Variants in SUN3 observed in about 807,000 individuals in gnomAD.
SUN3 encodes Sad1 and UNC84 domain containing 3.
Under a neutral mutation model 48.2 loss-of-function variants are expected in SUN3, and 36 were observed. The observed-to-expected ratio is 0.75, with a 90% CI of 0.57 to 0.99. The LOEUF (loss-of-function observed/expected upper bound fraction) is 0.99, where lower values mean the gene tolerates loss of function less well. SUN3 is among the 50% of genes least tolerant of loss of function. The pLI, the probability that SUN3 is intolerant of heterozygous loss-of-function variation, is 0.00. For synonymous variants in SUN3, 148 were observed against 147.9 expected (o/e 1.00, Z 0.00); for missense variants, 419 against 433.1 (o/e 0.97, Z 0.29).
Position 47,988,877 on chromosome 7 carries a change from T to C in SUN3, c.865A>G (p.Ile289Val), listed in dbSNP as rs1249034419. ...TCTTCTCCTTCACATTTTTTTGTGA[T>C]GCCCTATAAAGAAAGCAACAGATAT... ...SAPKEFSVYG[I>V]TKKCEGEEIF... The change falls in exon 9 of 10, where the codon ATC becomes GTC. Residue 289 changes from isoleucine to valine, a missense_variant. Ile to Val is a conservative substitution (Grantham distance 29). Coordinates refer to ENST00000297325, the MANE Select transcript of SUN3 (RefSeq NM_001030019.2). 1.9e-6 allele frequency: 3 copies of C among 1,588,328 alleles called. No individual in the cohort carries two copies. Among genetic ancestry groups the C allele is most frequent in the Non-Finnish European group, 2.6e-6 (3 of 1,160,156 alleles).
chr7:48,035,676 C>G, the SUN3 span: 1 of 630,892 alleles, frequency 1.6e-6, no homozygotes, highest in South Asian at 1.7e-5. The surrounding 1 kb of genome is among the most constrained non-coding windows in gnomAD (Gnocchi z 4.0). Context: ...CCACTGTGGT[C>G]CCGGGCCTTG....
At chr7:48,026,133 ACACT>A (rs1241899634) in intron 1 of SUN3, among the ~76,000 whole-genome samples, 195 bp from the exon 2 acceptor site, 1 of 152,070 alleles carries the variant, frequency 6.6e-6, no homozygotes, top group African/African-American at 2.4e-5. Flanking sequence ...GTGATGATAC[ACACT>A]CACCAGCATA....
Position 48,017,300 on chromosome 7 carries a change from T to C in SUN3, c.250A>G (p.Ile84Val), listed in dbSNP as rs766099727. 2 of 1,608,038 alleles carry C rather than the reference T, an allele frequency of 1.2e-6. No homozygotes were observed. Among genetic ancestry groups the C allele is most frequent in the Admixed American group, 1.7e-5 (1 of 59,734 alleles). ...VPQKSRQLYAIIAEYGSRLYK... is the reference protein window; with the variant it reads ...VPQKSRQLYAVIAEYGSRLYK... The stretch of plus-strand genomic sequence containing the variant: ...AGCCTTGAACCATATTCTGCAATTA[T>C]GGCATATAATTGTCTGGATTTCTGA... Residue 84 changes from isoleucine to valine, a missense_variant, in exon 3 of 10, where the codon ATA becomes GTA. Coordinates refer to ENST00000297325, the MANE Select transcript of SUN3 (RefSeq NM_001030019.2).
intron 3 of SUN3, among the ~76,000 whole-genome samples, chr7:48,015,998 C>T (rs758169689): frequency 2.0e-5 from 3 of 152,142 alleles, no homozygotes; most frequent in Admixed American, 6.5e-5. Flanking sequence ...TTAGGGGTCA[C>T]GCAGACCCTG....
intron 8 of SUN3, among the ~76,000 whole-genome samples, chr7:47,990,393 T>C (rs1456048110): frequency 1.3e-5 from 2 of 152,094 alleles, no homozygotes; most frequent in Non-Finnish European, 2.9e-5. Context: ...CTGCTGACCC[T>C]CTCTCCACTA....
chr7:48,003,132 A>G (rs1296591088), intron 6 of SUN3, among the ~76,000 whole-genome samples: 2 of 152,150 alleles, frequency 1.3e-5, no homozygotes, highest in Non-Finnish European at 2.9e-5. Context: ...AGTCTTCTGC[A>G]TATGGCTAGC....
intron 8 of SUN3, among the ~76,000 whole-genome samples, chr7:47,993,170 T>G (rs541490040): frequency 1.1e-4 from 17 of 152,310 alleles, no homozygotes; most frequent in African/African-American, 3.8e-4. Flanking sequence ...ATAGCTCAAC[T>G]GAGAGCTGTT....
chr7:48,016,995 T>C (rs1200353137), intron 3 of SUN3, among the ~76,000 whole-genome samples: 2 of 152,188 alleles, frequency 1.3e-5, no homozygotes, highest in Non-Finnish European at 2.9e-5. Flanking sequence ...ACTCCAATGA[T>C]AATGGCATTA....
In SUN3 at chr7:47,989,800, C is replaced by A. The variant is rs1003979923; in HGVS notation, c.862-920G>T. ...ACCTTGAGATGCTGTTAATTTGTAA[C>A]CCTACCCCAACCCTGTGCTGGCTGA... On this transcript the variant is annotated intron_variant, in intron 8 of 9. Coordinates refer to ENST00000297325, the MANE Select transcript of SUN3 (RefSeq NM_001030019.2). 2.8e-4 allele frequency among the ~76,000 whole-genome samples: 43 copies of A among 152,142 alleles called. 1 individual carries two copies. Among genetic ancestry groups the A allele is most frequent in the Non-Finnish European group, 5.7e-4 (39 of 68,014 alleles).
chr7:48,011,459 C>A (rs75990896), intron 3 of SUN3, among the ~76,000 whole-genome samples: 3,969 of 152,288 alleles, frequency 0.026, 169 homozygotes, highest in African/African-American at 0.09. Context: ...CTTATACGTT[C>A]TCCTCAACAT....
chr7:48,034,902 G>C, the SUN3 span, among the ~76,000 whole-genome samples: 1 of 151,994 alleles, frequency 6.6e-6, no homozygotes, highest in African/African-American at 2.4e-5. Context: ...ATATAAGGAA[G>C]AATGTTCACA....
chr7:47,995,917 G>T, intron 7 of SUN3, 114 bp downstream of exon 7: 1 of 561,894 alleles, frequency 1.8e-6, no homozygotes, highest in Non-Finnish European at 3.1e-6. Flanking sequence ...TTCAGATTCT[G>T]TGACAAGTTC....
chr7:48,000,845 C>A (rs553382649), intron 6 of SUN3, among the ~76,000 whole-genome samples: 44 of 142,854 alleles, frequency 3.1e-4, no homozygotes, highest in Middle Eastern at 4.0e-3. Context: ...ATTTGCCATG[C>A]TTTTTGAGTC....
chr7:48,033,444 C>A (rs73337821), upstream of SUN3, among the ~76,000 whole-genome samples: 1 of 151,960 alleles, frequency 6.6e-6, no homozygotes, highest in African/African-American at 2.4e-5. Flanking sequence ...GGCCTGGACT[C>A]CTAATTACTC....
intron 6 of SUN3, among the ~76,000 whole-genome samples, chr7:47,997,089 C>T (rs867997545): frequency 7.2e-5 from 11 of 151,920 alleles, no homozygotes; most frequent in South Asian, 2.1e-4. Flanking sequence ...CGTGAGCCAC[C>T]GCGCCCAGCT....
intron 6 of SUN3, among the ~76,000 whole-genome samples, chr7:48,002,272 G>A (rs1304314847): frequency 4.5e-5 from 6 of 134,304 alleles, no homozygotes; most frequent in Non-Finnish European, 7.5e-5. Context: ...CTATTCTCCT[G>A]CCTCAGCCTC....
intron 6 of SUN3, among the ~76,000 whole-genome samples, chr7:47,997,701 A>G (rs772097296): frequency 6.6e-6 from 1 of 152,168 alleles, no homozygotes; most frequent in Non-Finnish European, 1.5e-5. Context: ...CCCAAAAGGA[A>G]CCCATAGTGG....
intron 6 of SUN3, among the ~76,000 whole-genome samples, chr7:47,999,551 G>A (rs1789301469): frequency 6.7e-6 from 1 of 150,312 alleles, no homozygotes; most frequent in African/African-American, 2.5e-5. Context: ...TATTTCTTTT[G>A]AAACTGAGTC....
intron 6 of SUN3, among the ~76,000 whole-genome samples, chr7:47,998,361 A>G (rs903597672): frequency 1.3e-5 from 2 of 152,150 alleles, no homozygotes; most frequent in Admixed American, 6.5e-5. Flanking sequence ...ACATGCATTT[A>G]TCTTCTTTAA....
Sources: allele counts gnomAD v4.1 joint callset (sites outside exome capture counted in the v4.1 genomes callset), GRCh38; gene constraint gnomAD v4.1.1; non-coding constraint Gnocchi (gnomAD v3.1); transcripts MANE v1.5; gene names NCBI Gene and HGNC (gene_info 2026-07-23, HGNC 2026-07-21).